Variants in TPT1 observed in about 807,000 individuals in gnomAD.
TPT1 encodes the protein tumor protein, translationally-controlled 1.
In TPT1, 5 loss-of-function variants were observed where a neutral mutation model predicts 22.8. The observed-to-expected ratio is 0.22, with a 90% CI of 0.11 to 0.46. TPT1 has a LOEUF of 0.46. Ranked by LOEUF, TPT1 falls within the 20% of genes least tolerant of loss-of-function variation. The probability of loss-of-function intolerance (pLI) is 0.99; values close to 1 mark genes in which losing one functional copy is unlikely to be tolerated. For synonymous variants in TPT1, 89 were observed against 73.6 expected (o/e 1.21, Z -1.07); for missense variants, 130 against 218.7 (o/e 0.59, Z 2.56).
At chr13:45,340,981 G>T in intron 1 of TPT1, 61 bp downstream of exon 1, 3 of 1,472,502 alleles carry the variant, frequency 2.0e-6, no homozygotes, top group Non-Finnish European at 2.8e-6. Context: ...CGCCTTCCCC[G>T]CCCCCACCCG....
chr13:45,337,457 T>C, intron 5 of TPT1, 69 bp from the exon 6 acceptor site: 1 of 1,614,166 alleles, frequency 6.2e-7, no homozygotes, highest in Non-Finnish European at 8.5e-7. Flanking sequence ...ACCATTAACA[T>C]GCAGCCTACA....
chr13:45,336,747 T>TA lies in TPT1; in HGVS notation c.*638dup, dbSNP rs1878728118. 6.6e-6 allele frequency: 1 copy of TA among 152,646 alleles called. No individual in the cohort carries two copies. The highest frequency in any genetic ancestry group is 6.5e-5 in the Admixed American group (1 of 15,300). 9.5% of individuals were successfully genotyped at this position (152,646 alleles called of 1,614,324 possible). The stretch of plus-strand genomic sequence containing the variant: ...AAAGGCAACCAACCACCTTAAAGTG[T>TA]ACAAAACAGGTGGTCAGATAGGCTA... On this transcript the variant is annotated 3_prime_UTR_variant, in exon 6 of 6. Coordinates refer to ENST00000530705, the MANE Select transcript of TPT1 (RefSeq NM_003295.4).
In TPT1 at chr13:45,333,504, T is replaced by C. The variant is rs1878498485; in HGVS notation, c.*3882A>G. ...GTTCTCTCAAGTTGGTTGAGATTTATTGCTCGTCTTGCAATTTTACCATAA... is the reference window on the plus strand; with the variant it reads ...GTTCTCTCAAGTTGGTTGAGATTTACTGCTCGTCTTGCAATTTTACCATAA... On this transcript the variant is annotated 3_prime_UTR_variant, in exon 6 of 6. Coordinates refer to ENST00000530705, the MANE Select transcript of TPT1 (RefSeq NM_003295.4). The C allele has an allele frequency of 2.0e-5, 3 of 152,240 alleles. No individual in the cohort carries two copies. Among genetic ancestry groups the C allele is most frequent in the African/African-American group, 4.8e-5 (2 of 41,462 alleles). 9.4% of individuals were successfully genotyped at this position (152,240 alleles called of 1,614,324 possible). A position where few individuals can be genotyped will look rare whatever the true frequency, so the allele number is the denominator to read the frequency against.
chr13:45,338,881 A>C, intron 4 of TPT1, 105 bp from the exon 5 acceptor site: 1 of 924,902 alleles, frequency 1.1e-6, no homozygotes, highest in Non-Finnish European at 1.6e-6. Flanking sequence ...CACAAAAATC[A>C]AAACTTCAGT....
rs935026163 is a variant in TPT1, at chr13:45,341,173, G to A, written c.-104C>T. 4.0e-6 allele frequency: 6 copies of A among 1,499,654 alleles called. No individual in the cohort carries two copies. In the African/African-American group the frequency reaches 4.2e-5, roughly 10 times the overall value. The allele number at this position is 1,499,654 out of a possible 1,614,324, so 92.9% of individuals were successfully genotyped here. A position where few individuals can be genotyped will look rare whatever the true frequency, so the allele number is the denominator to read the frequency against. ...GCGGCGCTCGGGGGGAGGGGGGAGC[G>A]GGCGGAAAAGGCCGACTCAGCCGCT... On this transcript the variant is annotated 5_prime_UTR_variant, in exon 1 of 6. Coordinates refer to ENST00000530705, the MANE Select transcript of TPT1 (RefSeq NM_003295.4).
rs1878535795 is a variant in TPT1 at position 45,334,183 on chromosome 13, G to A, written c.*3203C>T. ...CCACTCAGCCTCCCAAATTCCTGGG[G>A]CTACAGGCATGAGCCATGGTTCCTG... is the stretch of plus-strand genomic sequence containing the variant. On this transcript the variant is annotated 3_prime_UTR_variant, in exon 6 of 6. Coordinates refer to ENST00000530705, the MANE Select transcript of TPT1 (RefSeq NM_003295.4). The A allele has an allele frequency of 6.6e-6, 1 of 152,000 alleles. No homozygotes were observed. The highest frequency in any genetic ancestry group is 2.4e-5 in the African/African-American group (1 of 41,322). The allele number at this position is 152,000 out of a possible 1,614,324, so 9.4% of individuals were successfully genotyped here. A position where few individuals can be genotyped will look rare whatever the true frequency, so the allele number is the denominator to read the frequency against.
At chr13:45,340,661 C>T (rs779160678) in intron 2 of TPT1, 51 bp downstream of exon 2, 9 of 1,544,980 alleles carry the variant, frequency 5.8e-6, no homozygotes, top group Non-Finnish European at 7.9e-6. Context: ...GCGGAGGAAA[C>T]CCGAGCCCGC....
rs1477578777 is a variant in TPT1, at chr13:45,336,125, A to C, written c.*1261T>G. 3 of 152,170 alleles carry C rather than the reference A, an allele frequency of 2.0e-5. No individual in the cohort carries two copies. Among genetic ancestry groups the C allele is most frequent in the Non-Finnish European group, 4.4e-5 (3 of 68,036 alleles). The allele number at this position is 152,170 out of a possible 1,614,324, so 9.4% of individuals were successfully genotyped here. ...GAGTTGAGACCACCCTGGGCAACTA[A>C]GCGATACTCGGTCTCTACAAAAATT... On this transcript the variant is annotated 3_prime_UTR_variant, in exon 6 of 6. Coordinates refer to ENST00000530705, the MANE Select transcript of TPT1 (RefSeq NM_003295.4).
rs538145599 is a variant in TPT1 at position 45,340,189 on chromosome 13, A to G, written c.103-5T>C. 5.6e-6 allele frequency: 9 copies of G among 1,605,230 alleles called. No homozygotes were observed. The highest frequency in any genetic ancestry group is 4.0e-5 in the African/African-American group (3 of 74,586). ...ACCTTCTGTCCTACTGACCATCTGC[A>G]TTAAGAAAAAGCAGTATAATTGCAA... On this transcript the variant is annotated splice_region_variant and splice_polypyrimidine_tract_variant and intron_variant, in intron 2 of 5. Coordinates refer to ENST00000530705, the MANE Select transcript of TPT1 (RefSeq NM_003295.4).
Position 45,337,078 on chromosome 13 carries a change from T to A in TPT1, c.*308A>T, listed in dbSNP as rs1215912293. ...AGTAGTCTCCACTGTAGAAGTTAAT[T>A]GATGAGTAGTAGCCTACAATCAGGC... On this transcript the variant is annotated 3_prime_UTR_variant, in exon 6 of 6. Transcript: ENST00000530705. The A allele has an allele frequency of 4.9e-6, 2 of 408,292 alleles. No individual in the cohort carries two copies. The highest frequency in any genetic ancestry group is 8.5e-5 in the Admixed American group (2 of 23,554). The allele number at this position is 408,292 out of a possible 1,614,324, so 25.3% of individuals were successfully genotyped here.
intron 4 of TPT1, 98 bp downstream of exon 4, chr13:45,339,399 C>G (rs1878928146): frequency 9.7e-7 from 1 of 1,034,918 alleles, no homozygotes; most frequent in Non-Finnish European, 1.4e-6. Context: ...CTTTCTACAC[C>G]TGGAATACTA....
chr13:45,335,768 T>C lies in TPT1; in HGVS notation c.*1618A>G, dbSNP rs1878632010. On this transcript the variant is annotated 3_prime_UTR_variant, in exon 6 of 6. Transcript: ENST00000530705. The stretch of plus-strand genomic sequence containing the variant: ...CATCCCTACAAAAAATCTATCAGAA[T>C]GCTTAAAATTGCTATTAAGTTCCCA... The C allele has an allele frequency of 6.6e-6, 1 of 152,188 alleles. No individual in the cohort carries two copies. Among genetic ancestry groups the C allele is most frequent in the African/African-American group, 2.4e-5 (1 of 41,438 alleles). 9.4% of individuals were successfully genotyped at this position (152,188 alleles called of 1,614,324 possible).
rs1479963588 is a variant in TPT1, at chr13:45,337,338, A to G, written c.*48T>C. 1 of 1,590,440 alleles carries G rather than the reference A, an allele frequency of 6.3e-7. No homozygotes were observed. Among genetic ancestry groups the G allele is most frequent in the East Asian group, 2.2e-5 (1 of 44,744 alleles). ...TGGTGTTGTGTGGATGACAAGCAGA[A>G]GCCAGTTATGATGACAGGTGATAGA... is the stretch of plus-strand genomic sequence containing the variant. On this transcript the variant is annotated 3_prime_UTR_variant, in exon 6 of 6. Coordinates refer to ENST00000530705, the MANE Select transcript of TPT1 (RefSeq NM_003295.4).
In TPT1 at chr13:45,333,834, G is replaced by C. The variant is rs1019696420; in HGVS notation, c.*3552C>G. The C allele has an allele frequency of 6.6e-6, 1 of 152,168 alleles. No homozygotes were observed. The allele number at this position is 152,168 out of a possible 1,614,324, so 9.4% of individuals were successfully genotyped here. On this transcript the variant is annotated 3_prime_UTR_variant, in exon 6 of 6. Transcript: ENST00000530705. Reference sequence around the variant, plus strand: ...AGGCCTCATATTACTTAAGTACTTTGCAACAGGTAACCCTGTTGACTACTT... The same window carrying C: ...AGGCCTCATATTACTTAAGTACTTTCCAACAGGTAACCCTGTTGACTACTT...
At position 45,335,388 on chromosome 13, in the gene TPT1, A is replaced by G. The variant is rs2138319943; in HGVS notation, c.*1998T>C. The G allele has an allele frequency of 6.6e-6, 1 of 152,320 alleles. No homozygotes were observed. The highest frequency in any genetic ancestry group is 1.9e-4 in the East Asian group (1 of 5,194). The allele number at this position is 152,320 out of a possible 1,614,324, so 9.4% of individuals were successfully genotyped here. A position where few individuals can be genotyped will look rare whatever the true frequency, so the allele number is the denominator to read the frequency against. On this transcript the variant is annotated 3_prime_UTR_variant, in exon 6 of 6. Transcript: ENST00000530705. ...GGAAATACCTCTTCTGCAGAACTGA[A>G]AATCTTCAAAACAAGTTGGAGCAGT...
chr13:45,337,732 T>C, intron 5 of TPT1: 1 of 634,298 alleles, frequency 1.6e-6, no homozygotes, highest in Non-Finnish European at 2.8e-6. Context: ...TAAGTCATCT[T>C]ATACTGTTCT....
intron 2 of TPT1, 37 bp downstream of exon 2, chr13:45,340,675 G>A (rs2234218): frequency 1.3e-6 from 2 of 1,559,300 alleles, no homozygotes; most frequent in Admixed American, 1.9e-5. Context: ...AGCCCGCTCG[G>A]CCCGGACTCC....
At chr13:45,339,285 G>A (rs886375910) in intron 4 of TPT1, 35 of 452,680 alleles carry the variant, frequency 7.7e-5, no homozygotes, top group Non-Finnish European at 1.2e-4. Flanking sequence ...GAACACTTAG[G>A]TGGTTAAGCA....
In TPT1 at chr13:45,335,074, C is replaced by G. The variant is rs1056465194; in HGVS notation, c.*2312G>C. 8 of 152,174 alleles carry G rather than the reference C, an allele frequency of 5.3e-5. No homozygotes were observed. Among genetic ancestry groups the G allele is most frequent in the Non-Finnish European group, 1.5e-5 (1 of 68,038 alleles). 9.4% of individuals were successfully genotyped at this position (152,174 alleles called of 1,614,324 possible). On this transcript the variant is annotated 3_prime_UTR_variant, in exon 6 of 6. Coordinates refer to ENST00000530705, the MANE Select transcript of TPT1 (RefSeq NM_003295.4). ...AGGGCCCACAGGCTACTAAAGCATGCCTTTGTTAAACTTAGCATCAAAAAC... is the reference window on the plus strand; with the variant it reads ...AGGGCCCACAGGCTACTAAAGCATGGCTTTGTTAAACTTAGCATCAAAAAC...
Sources: gnomAD v4.1 joint callset for allele counts on GRCh38, gnomAD v4.1.1 for gene constraint, MANE v1.5 for transcripts, NCBI Gene and HGNC (gene_info 2026-07-23, HGNC 2026-07-21) for gene names.